The following DOCK10 variants were observed in gnomAD, a reference collection of about 807,000 sequenced individuals.
DOCK10 encodes the protein dedicator of cytokinesis protein 10.
DOCK10 carries 145 observed loss-of-function variants against 280.1 expected under a neutral mutation model. That is an observed-to-expected ratio of 0.52 (90% confidence interval 0.45 to 0.59). The LOEUF (loss-of-function observed/expected upper bound fraction) is 0.59. Among genes scored for constraint, DOCK10 ranks in the 20% least tolerant of loss-of-function variants. The pLI, the probability that DOCK10 is intolerant of heterozygous loss-of-function variation, is 0.00. For missense variants in DOCK10, 2,368 were observed against 2,651.7 expected (o/e 0.89, Z 2.35); for synonymous variants, 915 against 942.2 (o/e 0.97, Z 0.53).
intron 3 of DOCK10, among the ~76,000 whole-genome samples, chr2:224,913,401 C>T (rs1477736202): frequency 6.6e-6 from 1 of 152,094 alleles, no homozygotes; most frequent in Non-Finnish European, 1.5e-5. Flanking sequence ...TTTAAGCAGC[C>T]TGGCCATATC....
chr2:224,816,642 C>G lies in DOCK10; in HGVS notation c.3339G>C (p.Leu1113=), dbSNP rs749940690. 2 of 1,605,448 alleles carry G rather than the reference C, an allele frequency of 1.2e-6. No homozygotes were observed. The highest frequency in any genetic ancestry group is 1.7e-6 in the Non-Finnish European group (2 of 1,174,486). ...CTGGAATGTTTGCTGATCTTATGGG[C>G]AGACACAAAGGGATAAAGTGTTCAT... ...CQHEHFIPLC[L]PIRSANIPDP... is the part of the protein sequence containing the mutation. The change falls in exon 30 of 56, where the codon CTG becomes CTC. Residue 1113 remains leucine (L), a synonymous_variant. Transcript: ENST00000258390.
intron 1 of DOCK10, among the ~76,000 whole-genome samples, chr2:224,943,886 C>T (rs1389016945): frequency 6.6e-6 from 1 of 151,630 alleles, no homozygotes; most frequent in Non-Finnish European, 1.5e-5. Context: ...GCCTTAGCCT[C>T]CCGAGTAGCT....
intron 1 of DOCK10, among the ~76,000 whole-genome samples, chr2:224,973,120 CAAT>C (rs1705191946): frequency 6.6e-6 from 1 of 152,076 alleles, no homozygotes; most frequent in Non-Finnish European, 1.5e-5. Flanking sequence ...ACAATATACA[CAAT>C]AATAATAGCT....
At chr2:225,028,858 G>T (rs1166232320) in intron 1 of DOCK10, among the ~76,000 whole-genome samples, 1 of 152,148 alleles carries the variant, frequency 6.6e-6, no homozygotes, top group Non-Finnish European at 1.5e-5. Flanking sequence ...GCAAACAACA[G>T]GTGTCACAGA....
intron 16 of DOCK10, 92 bp downstream of exon 16, chr2:224,854,870 AC>A: frequency 1.1e-6 from 1 of 906,374 alleles, no homozygotes; most frequent in Non-Finnish European, 1.7e-6. Context: ...CAACCAACCA[AC>A]CAACCAACCA....
rs745566951 is a variant in DOCK10 at position 224,807,978 on chromosome 2, T to G, written c.3518A>C (p.His1173Pro). 6.2e-7 allele frequency: 1 copy of G among 1,613,064 alleles called. No individual in the cohort carries two copies. ...FALQEDQDVR[H>P]LALAVLKNLM... The stretch of plus-strand genomic sequence containing the variant: ...ATTTTTTAGGACAGCTAAAGCTAAG[T>G]GTCTGACATCTTGGTCTTCCTGCAG... The change falls in exon 32 of 56, where the codon CAC becomes CCC. Residue 1173 changes from histidine (H) to proline (P), a missense_variant. Physicochemically the swap from His to Pro is moderately conservative, Grantham distance 77. Transcript: ENST00000258390.
chr2:224,830,630 G>A lies in DOCK10; in HGVS notation c.2965-18C>T. 1 of 1,482,992 alleles carries A rather than the reference G, an allele frequency of 6.7e-7. No homozygotes were observed. Among genetic ancestry groups the A allele is most frequent in the Non-Finnish European group, 9.1e-7 (1 of 1,098,042 alleles). The allele number at this position is 1,482,992 out of a possible 1,614,324, so 91.9% of individuals were successfully genotyped here. A position where few individuals can be genotyped will look rare whatever the true frequency, so the allele number is the denominator to read the frequency against. On this transcript the variant is annotated intron_variant, in intron 26 of 55. Transcript: ENST00000258390. The stretch of plus-strand genomic sequence containing the variant: ...CAGGAATGCTGTTGGGAAAAAAAAG[G>A]CAACGAGACATTTATTATCCTATGG...
At chr2:224,797,275 T>C (rs1692647946) in intron 42 of DOCK10, 129 bp from the exon 43 acceptor site, 1 of 723,824 alleles carries the variant, frequency 1.4e-6, no homozygotes, top group Non-Finnish European at 2.1e-6. Flanking sequence ...ATTTTTTTTT[T>C]TTCATTTGCA....
chr2:224,825,353 T>C (rs2125352918), intron 27 of DOCK10, among the ~76,000 whole-genome samples: 1 of 152,282 alleles, frequency 6.6e-6, no homozygotes, highest in African/African-American at 2.4e-5. Context: ...ATGGTTACTC[T>C]CTATATATTT....
At chr2:224,785,716 G>A (rs1397089134) in intron 50 of DOCK10, among the ~76,000 whole-genome samples, 1 of 152,070 alleles carries the variant, frequency 6.6e-6, no homozygotes, top group African/African-American at 2.4e-5. Flanking sequence ...TCCTGACCTC[G>A]TGATCCGCCC....
chr2:224,961,757 G>A (rs532073311), intron 1 of DOCK10, among the ~76,000 whole-genome samples: 4 of 151,854 alleles, frequency 2.6e-5, no homozygotes, highest in Admixed American at 6.6e-5. Flanking sequence ...TGCCTGCCTC[G>A]GCCTCCCAAA....
intron 7 of DOCK10, among the ~76,000 whole-genome samples, chr2:224,882,381 A>C (rs1362458473): frequency 2.0e-5 from 3 of 152,228 alleles, no homozygotes; most frequent in Non-Finnish European, 2.9e-5. Flanking sequence ...GATATTATGA[A>C]AAAATAGAAA....
chr2:224,770,035 T>C lies in DOCK10; in HGVS notation c.6444+176A>G, dbSNP rs948362153. Among the ~76,000 whole-genome samples, 1 of 152,252 alleles carries C rather than the reference T, an allele frequency of 6.6e-6. No individual in the cohort carries two copies. Among genetic ancestry groups the C allele is most frequent in the African/African-American group, 2.4e-5 (1 of 41,472 alleles). ...TTTTTCTACAGAGTTTCCCCCAGCC[T>C]GATCTCTGCTTTGGGGCACGAGGTG... is the stretch of plus-strand genomic sequence containing the variant. On this transcript the variant is annotated intron_variant, in intron 55 of 55. Coordinates refer to ENST00000258390, the MANE Select transcript of DOCK10 (RefSeq NM_014689.3). This position sits in a 1 kb window ranked among gnomAD's most constrained non-coding sequence, Gnocchi z 4.5.
intron 11 of DOCK10, among the ~76,000 whole-genome samples, chr2:224,868,413 T>C (rs1443102630): frequency 6.6e-6 from 1 of 152,236 alleles, no homozygotes; most frequent in East Asian, 1.9e-4. Flanking sequence ...GGAATACGCC[T>C]ATAAAAACTA....
At chr2:224,878,087 T>G (rs1307214263) in intron 7 of DOCK10, among the ~76,000 whole-genome samples, 1 of 152,208 alleles carries the variant, frequency 6.6e-6, no homozygotes, top group Non-Finnish European at 1.5e-5. Flanking sequence ...TAAAATTCTT[T>G]TGGGGAACAG....
chr2:224,778,092 A>T, intron 51 of DOCK10, 46 bp downstream of exon 51: 1 of 1,569,206 alleles, frequency 6.4e-7, no homozygotes, highest in Non-Finnish European at 8.7e-7. Context: ...AGAATAAAAA[A>T]CTCAGTCAAT....
intron 18 of DOCK10, among the ~76,000 whole-genome samples, chr2:224,852,067 G>A (rs965592709): frequency 6.6e-6 from 1 of 152,262 alleles, no homozygotes; most frequent in Admixed American, 6.5e-5. Context: ...AATCAAGCAC[G>A]CCGAATCGAG....
At chr2:224,900,909 G>C (rs1015208008) in intron 3 of DOCK10, among the ~76,000 whole-genome samples, 1 of 152,040 alleles carries the variant, frequency 6.6e-6, no homozygotes, top group Non-Finnish European at 1.5e-5. Flanking sequence ...ATTATCAAAG[G>C]GTTCTGTTTA....
chr2:224,906,603 C>G (rs947475597), intron 3 of DOCK10, among the ~76,000 whole-genome samples: 3 of 152,128 alleles, frequency 2.0e-5, no homozygotes, highest in African/African-American at 7.2e-5. Flanking sequence ...CTCAGCCTCC[C>G]GAGTAGCTGG....
Sources: gnomAD v4.1 joint callset for allele counts (sites outside exome capture counted in the v4.1 genomes callset) on GRCh38, gnomAD v4.1.1 for gene constraint, Gnocchi (gnomAD v3.1) non-coding constraint, MANE v1.5 for transcripts, NCBI Gene and HGNC (gene_info 2026-07-23, HGNC 2026-07-21) for gene names.